Variants in SLC25A25 observed in about 807,000 individuals in gnomAD.
SLC25A25 encodes solute carrier family 25 member 25.
A neutral mutation model predicts 57.7 loss-of-function variants in SLC25A25; 32 were observed. The ratio of observed to expected loss-of-function variants is 0.55; its 90% confidence interval spans 0.42 to 0.74. SLC25A25 has a LOEUF of 0.74. SLC25A25 is among the 30% of genes least tolerant of loss of function. SLC25A25 has a pLI of 0.00. For missense variants in SLC25A25, 556 were observed against 701.3 expected (o/e 0.79, Z 2.34); for synonymous variants, 306 against 291.2 (o/e 1.05, Z -0.52).
chr9:128,104,440 T>C (rs947622), intron 6 of SLC25A25, among the ~76,000 whole-genome samples: 151,811 of 152,320 alleles, frequency 1, 75,653 homozygotes, highest in Middle Eastern at 1. Flanking sequence ...CTCCCTGTGT[T>C]GCACAGAGAC....
In SLC25A25 at chr9:128,105,775, C is replaced by G. The variant is rs369203375; in HGVS notation, c.830C>G (p.Thr277Ser). 12 of 1,614,056 alleles carry G rather than the reference C, an allele frequency of 7.4e-6. No individual in the cohort carries two copies. Among genetic ancestry groups the G allele is most frequent in the Non-Finnish European group, 1.0e-5 (12 of 1,180,048 alleles). The change falls in exon 7 of 11, where the codon ACT becomes AGT. Residue 277 changes from threonine (T) to serine (S), a missense_variant. Transcript: ENST00000373069. ...SNNMGIVGGF[T>S]QMIREGGARS... ...AACATGGGCATCGTTGGTGGCTTCA[C>G]TCAGATGATTCGAGAAGGAGGGGCC... is the stretch of plus-strand genomic sequence containing the variant.
At chr9:128,079,237 G>C (rs963843402) in intron 1 of SLC25A25, among the ~76,000 whole-genome samples, 42 of 151,928 alleles carry the variant, frequency 2.8e-4, no homozygotes, top group African/African-American at 9.9e-4. Flanking sequence ...CCCTGTTCCT[G>C]CCGGTGCCTG....
chr9:128,098,394 G>A (rs1356545820), intron 1 of SLC25A25: 3 of 1,305,604 alleles, frequency 2.3e-6, no homozygotes, highest in Non-Finnish European at 3.0e-6. Flanking sequence ...GCTGTTGGCA[G>A]GACTTGCCGT....
intron 1 of SLC25A25, among the ~76,000 whole-genome samples, chr9:128,082,549 T>C (rs1443833233): frequency 6.6e-6 from 1 of 152,234 alleles, no homozygotes. Flanking sequence ...TATATCAGTA[T>C]ATAAAAGAGA....
At chr9:128,083,445 T>C (rs559044635) in intron 1 of SLC25A25, among the ~76,000 whole-genome samples, 25 of 151,756 alleles carry the variant, frequency 1.6e-4, no homozygotes, top group Non-Finnish European at 2.9e-5. Context: ...GTTAACTTTC[T>C]AAAAAGTGTT....
At chr9:128,083,601 C>G (rs1833208089) in intron 1 of SLC25A25, among the ~76,000 whole-genome samples, 1 of 150,960 alleles carries the variant, frequency 6.6e-6, no homozygotes, top group South Asian at 2.1e-4. Context: ...GCTCCGCCTC[C>G]CGGGCTTACG....
chr9:128,085,119 C>T (rs942066795), intron 1 of SLC25A25, among the ~76,000 whole-genome samples: 1 of 152,116 alleles, frequency 6.6e-6, no homozygotes, highest in African/African-American at 2.4e-5. Flanking sequence ...CACTTGAGGT[C>T]GAGAGCTCAA....
intron 1 of SLC25A25, among the ~76,000 whole-genome samples, chr9:128,071,075 C>T (rs934503179): frequency 2.0e-5 from 3 of 152,098 alleles, no homozygotes; most frequent in Admixed American, 1.3e-4. Flanking sequence ...ACATTGAGAA[C>T]GTCTGGCTGC....
chr9:128,087,004 C>T (rs10987867), intron 1 of SLC25A25, among the ~76,000 whole-genome samples: 112,606 of 151,600 alleles, frequency 0.74, 43,634 homozygotes, highest in Non-Finnish European at 0.85. Context: ...CATCTGAGGT[C>T]AGGAGTTCAA....
intron 6 of SLC25A25, among the ~76,000 whole-genome samples, chr9:128,104,056 A>G (rs1833916303): frequency 6.6e-6 from 1 of 152,130 alleles, no homozygotes; most frequent in East Asian, 1.9e-4. Context: ...CTGAGGCATC[A>G]CATTACAGGG....
intron 1 of SLC25A25, among the ~76,000 whole-genome samples, chr9:128,094,008 C>T (rs762404408): frequency 1.3e-5 from 2 of 152,044 alleles, no homozygotes; most frequent in East Asian, 3.9e-4. Flanking sequence ...ATTAGCTGGG[C>T]GTGGTGGTGC....
At chr9:128,078,423 A>G (rs1833065874) in intron 1 of SLC25A25, among the ~76,000 whole-genome samples, 1 of 152,156 alleles carries the variant, frequency 6.6e-6, no homozygotes, top group African/African-American at 2.4e-5. Flanking sequence ...CACCCCAGCA[A>G]CCTGGAGAGG....
At position 128,103,555 on chromosome 9, in the gene SLC25A25, AGTCCTTGGCCTTCTCCCTGTCCTGTG is replaced by A; in HGVS notation, c.625-121_625-96del. The A allele has an allele frequency of 8.7e-7, 1 of 1,153,634 alleles. No homozygotes were observed. 71.5% of individuals were successfully genotyped at this position (1,153,634 alleles called of 1,614,324 possible). On this transcript the variant is annotated intron_variant, in intron 5 of 10. Transcript: ENST00000373069. This position sits in a 1 kb window ranked among gnomAD's most constrained non-coding sequence, Gnocchi z 6.7. ...AGACCCCAGCCCGCTTCCCACCCAG[AGTCCTTGGCCTTCTCCCTGTCCTGTG>A]GTCCCTGGCCTGGAGCCGTGCTAGA...
chr9:128,071,706 C>T (rs1271304995), intron 1 of SLC25A25, among the ~76,000 whole-genome samples: 1 of 151,672 alleles, frequency 6.6e-6, no homozygotes, highest in African/African-American at 2.4e-5. Flanking sequence ...GCTACCGCGC[C>T]TGGCCTATTT....
intron 1 of SLC25A25, among the ~76,000 whole-genome samples, chr9:128,076,117 G>A (rs1239397789): frequency 6.6e-6 from 1 of 151,906 alleles, no homozygotes; most frequent in Non-Finnish European, 1.5e-5. Context: ...ACATGTGCCT[G>A]GCAGCCAACT....
At chr9:128,077,410 G>C (rs1044359638) in intron 1 of SLC25A25, among the ~76,000 whole-genome samples, 1 of 151,904 alleles carries the variant, frequency 6.6e-6, no homozygotes, top group Admixed American at 6.6e-5. Flanking sequence ...CCAGCAACTC[G>C]GGAGGCTGAG....
chr9:128,101,520 G>A lies in SLC25A25; in HGVS notation c.476+124G>A, dbSNP rs1385006490. 1.8e-6 allele frequency: 2 copies of A among 1,082,630 alleles called. No individual in the cohort carries two copies. The highest frequency in any genetic ancestry group is 2.7e-6 in the Non-Finnish European group (2 of 746,338). The allele number at this position is 1,082,630 out of a possible 1,614,324, so 67.1% of individuals were successfully genotyped here. On this transcript the variant is annotated intron_variant, in intron 3 of 10. Coordinates refer to ENST00000373069, the MANE Select transcript of SLC25A25 (RefSeq NM_001330988.2). This position sits in a 1 kb window ranked among gnomAD's most constrained non-coding sequence, Gnocchi z 4.9. ...TGGCCTTCTCGTGGTTTGAAAGGAT[G>A]AATAAGTAACCCCTGTGGGAGGCCA...
intron 1 of SLC25A25, among the ~76,000 whole-genome samples, chr9:128,100,448 G>T (rs1833742693): frequency 6.6e-6 from 1 of 152,170 alleles, no homozygotes; most frequent in South Asian, 2.1e-4. Flanking sequence ...AGCCAGGGCA[G>T]CTCTATCACC....
intron 1 of SLC25A25, among the ~76,000 whole-genome samples, chr9:128,092,468 G>A (rs1431173705): frequency 2.0e-5 from 3 of 151,840 alleles, no homozygotes; most frequent in Non-Finnish European, 1.5e-5. Context: ...TGCCTCGACC[G>A]TGGAACCCAG....
Sources: allele counts gnomAD v4.1 joint callset (sites outside exome capture counted in the v4.1 genomes callset), GRCh38; gene constraint gnomAD v4.1.1; non-coding constraint Gnocchi (gnomAD v3.1); transcripts MANE v1.5; gene names NCBI Gene and HGNC (gene_info 2026-07-23, HGNC 2026-07-21).